ACACA: variants seen among roughly 807,000 people sequenced by gnomAD.
ACACA encodes the protein acetyl-CoA carboxylase alpha, also known as acetyl-CoA carboxylase 1.
In ACACA, 103 loss-of-function variants were observed where a neutral mutation model predicts 296.1. The ratio of observed to expected loss-of-function variants is 0.35; its 90% CI spans 0.30 to 0.41. The LOEUF is 0.41. Among genes scored for constraint, ACACA ranks in the 10% least tolerant of loss-of-function variants. The pLI is 1.00. For synonymous variants in ACACA, 953 were observed against 1,038.6 expected (o/e 0.92, Z 1.58); for missense variants, 1,554 against 2,989.7 (o/e 0.52, Z 11.20).
intron 54 of ACACA, among the ~76,000 whole-genome samples, chr17:37,091,315 G>C (rs1174908434): frequency 2.6e-5 from 4 of 152,144 alleles, no homozygotes; most frequent in African/African-American, 9.7e-5. Flanking sequence ...GAAAATATGG[G>C]TCCTATAAAA....
At chr17:37,176,990 G>C (rs1409238337) in intron 41 of ACACA, among the ~76,000 whole-genome samples, 1 of 152,056 alleles carries the variant, frequency 6.6e-6, no homozygotes, top group Non-Finnish European at 1.5e-5. Context: ...CATTTGAAAA[G>C]AAAAACAGAA....
intron 30 of ACACA, among the ~76,000 whole-genome samples, 200 bp downstream of exon 30, chr17:37,210,267 C>T (rs1649747548): frequency 6.6e-6 from 1 of 152,108 alleles, no homozygotes; most frequent in African/African-American, 2.4e-5. Flanking sequence ...TCAAGTAGTG[C>T]TTTTTGAACA....
chr17:37,345,491 T>A (rs1201790586), intron 1 of ACACA: 1 of 152,176 alleles, frequency 6.6e-6, no homozygotes, highest in African/African-American at 2.4e-5. Flanking sequence ...CTTTCAACAC[T>A]TCCTCTTAAA....
At chr17:37,189,251 G>A (rs2077655133) in intron 38 of ACACA, among the ~76,000 whole-genome samples, 2 of 152,312 alleles carry the variant, frequency 1.3e-5, no homozygotes, top group African/African-American at 4.8e-5. Context: ...TGGCTGCACA[G>A]AACATAATGC....
At chr17:37,239,679 T>C (rs930164717) in intron 24 of ACACA, among the ~76,000 whole-genome samples, 1 of 152,184 alleles carries the variant, frequency 6.6e-6, no homozygotes, top group African/African-American at 2.4e-5. Context: ...ATTATATTAA[T>C]TGACTTTCTC....
intron 2 of ACACA, among the ~76,000 whole-genome samples, chr17:37,330,635 C>CCCATA (rs2047832917): frequency 6.6e-6 from 1 of 152,156 alleles, no homozygotes; most frequent in East Asian, 1.9e-4. Context: ...AAATTAAAAC[C>CCCATA]AGTTCCCTTT....
At chr17:37,221,980 C>G (rs537236257) in intron 28 of ACACA, 138 bp from the exon 29 acceptor site, 2 of 715,844 alleles carry the variant, frequency 2.8e-6, no homozygotes, top group Middle Eastern at 3.8e-4. Context: ...CCTATGTATA[C>G]GTACATATAT....
Position 37,097,777 on chromosome 17 carries a change from C to A in ACACA, c.6720+53G>T. 6.2e-7 allele frequency: 1 copy of A among 1,607,202 alleles called. No homozygotes were observed. The highest frequency in any genetic ancestry group is 8.5e-7 in the Non-Finnish European group (1 of 1,174,484). ...TATGAGCCTGTGTGCAACACACACACACACTTGCCCACATGTGGGCCTCTG... is the reference window on the plus strand; with the variant it reads ...TATGAGCCTGTGTGCAACACACACAAACACTTGCCCACATGTGGGCCTCTG... On this transcript the variant is annotated intron_variant, in intron 53 of 55. Coordinates refer to ENST00000616317, the MANE Select transcript of ACACA (RefSeq NM_198834.3). The surrounding 1 kb of genome is among the most constrained non-coding windows in gnomAD (Gnocchi z 4.8).
intron 3 of ACACA, among the ~76,000 whole-genome samples, chr17:37,324,092 C>T (rs1008499646): frequency 3.3e-4 from 50 of 152,018 alleles, no homozygotes; most frequent in Non-Finnish European, 1.2e-4. Context: ...ATTAGCTGGG[C>T]ACAGTGGCTC....
chr17:37,379,083 C>A, intron 1 of ACACA: 1 of 1,552,798 alleles, frequency 6.4e-7, no homozygotes, highest in Non-Finnish European at 8.7e-7. Flanking sequence ...AAAAAACCAA[C>A]CAAACAAAAA....
At chr17:37,357,577 C>T (rs2049201961) in intron 1 of ACACA, among the ~76,000 whole-genome samples, 1 of 152,174 alleles carries the variant, frequency 6.6e-6, no homozygotes, top group Non-Finnish European at 1.5e-5. Flanking sequence ...TTACCTTTGG[C>T]ATCTTTCATA....
chr17:37,125,657 G>T, intron 48 of ACACA, 41 bp downstream of exon 48: 2 of 1,492,340 alleles, frequency 1.3e-6, no homozygotes, highest in Non-Finnish European at 9.3e-7. Context: ...CTTATTTTTA[G>T]TTGGGAGGAA....
At chr17:37,138,252 T>C (rs992115034) in intron 45 of ACACA, among the ~76,000 whole-genome samples, 2 of 152,226 alleles carry the variant, frequency 1.3e-5, no homozygotes, top group South Asian at 2.1e-4. Flanking sequence ...TTTGGATCCA[T>C]GCACAGGGAA....
chr17:37,296,366 T>C (rs1362308920), intron 3 of ACACA, among the ~76,000 whole-genome samples: 4 of 142,956 alleles, frequency 2.8e-5, no homozygotes, highest in Non-Finnish European at 4.5e-5. Flanking sequence ...AGTGCAGTGG[T>C]GAGATCTCGG....
intron 52 of ACACA, among the ~76,000 whole-genome samples, chr17:37,106,457 C>G (rs1297998374): frequency 1.3e-5 from 2 of 152,176 alleles, no homozygotes; most frequent in Non-Finnish European, 2.9e-5. Flanking sequence ...CAGCAATCCT[C>G]TCAGGGGATG....
intron 45 of ACACA, among the ~76,000 whole-genome samples, chr17:37,142,966 A>C (rs1220032770): frequency 1.3e-5 from 2 of 152,360 alleles, no homozygotes; most frequent in East Asian, 3.9e-4. Context: ...TGCAATGAGA[A>C]GGAACCCTAA....
chr17:37,124,334 C>T (rs559034775), intron 48 of ACACA, among the ~76,000 whole-genome samples: 11 of 152,142 alleles, frequency 7.2e-5, no homozygotes, highest in Non-Finnish European at 1.5e-4. Flanking sequence ...TGATCTTGGT[C>T]GCAAAGCAAT....
At chr17:37,328,168 T>A (rs532176237) in intron 3 of ACACA, among the ~76,000 whole-genome samples, 3 of 152,292 alleles carry the variant, frequency 2.0e-5, no homozygotes, top group African/African-American at 4.8e-5. Flanking sequence ...AGTAGAAAAG[T>A]TAGTGAAATA....
At chr17:37,304,462 G>A (rs538798850) in intron 3 of ACACA, among the ~76,000 whole-genome samples, 3 of 152,254 alleles carry the variant, frequency 2.0e-5, no homozygotes, top group East Asian at 1.9e-4. Context: ...CAGCTGAGAA[G>A]TTCTATTTAT....
Sources: gnomAD v4.1 joint callset for allele counts (sites outside exome capture counted in the v4.1 genomes callset) on GRCh38, gnomAD v4.1.1 for gene constraint, Gnocchi (gnomAD v3.1) non-coding constraint, MANE v1.5 for transcripts, NCBI Gene and HGNC (gene_info 2026-07-23, HGNC 2026-07-21) for gene names.